The following HTR1E variants were observed in gnomAD, a reference collection of about 807,000 sequenced individuals.
HTR1E encodes the protein 5-HT-1E.
Under a neutral mutation model 3.4 loss-of-function variants are expected in HTR1E, and 3 were observed. That is an observed-to-expected ratio of 0.89 (90% CI 0.41 to 2.31). The LOEUF is 2.31. Ranked by LOEUF, HTR1E falls within the 30% of genes most tolerant of loss-of-function variation. The pLI is 0.05. For missense variants in HTR1E, 392 were observed against 467.0 expected, an observed-to-expected ratio of 0.84 and a Z score of 1.48; for synonymous variants, 170 against 182.8, an observed-to-expected ratio of 0.93 and a Z score of 0.56.
At chr6:86,995,292 T>TAATAAATA (rs71014980) in intron 1 of HTR1E, among the ~76,000 whole-genome samples, 13,738 of 144,014 alleles carry the variant, frequency 0.095, 823 homozygotes, top group East Asian at 0.24. Flanking sequence ...CTCTATAATA[T>TAATAAATA]AATAAATAAA....
At position 87,007,022 on chromosome 6, in the gene HTR1E, G is replaced by A. The variant is rs572616278; in HGVS notation, c.-185-8128G>A. ...CTTGATAGGTGCAGCAAATCACCAT[G>A]GCACACGTTTACCTATGTAACAAAC... On this transcript the variant is annotated intron_variant, in intron 1 of 1. Transcript: ENST00000305344. Among the ~76,000 whole-genome samples, 3 of 152,224 alleles carry A rather than the reference G, an allele frequency of 2.0e-5. No homozygotes were observed. The South Asian group carries it at 6.2e-4, about 32-fold the overall frequency.
intron 1 of HTR1E, among the ~76,000 whole-genome samples, chr6:87,003,936 A>G (rs1768065464): frequency 6.6e-6 from 1 of 151,938 alleles, no homozygotes; most frequent in African/African-American, 2.4e-5. Context: ...ATTACAACTG[A>G]TGTCAGAGAA....
At chr6:86,950,429 G>A (rs1204138602) in intron 1 of HTR1E, among the ~76,000 whole-genome samples, 1 of 152,138 alleles carries the variant, frequency 6.6e-6, no homozygotes, top group Non-Finnish European at 1.5e-5. Context: ...TAGGGGAATG[G>A]GTGGGAGCCT....
rs181082695 is a variant in HTR1E, at chr6:86,977,430, A to G, written c.-185-37720A>G. 4.6e-3 allele frequency among the ~76,000 whole-genome samples: 696 copies of G among 152,292 alleles called. 4 individuals are homozygous for G. Among genetic ancestry groups the G allele is most frequent in the Non-Finnish European group, 6.9e-3 (471 of 68,014 alleles). Reference sequence around the variant, plus strand: ...AACACATTTTCTTTACCCAATCCACAATTGATGGGCACCTAAGGATGATTC... The same window carrying G: ...AACACATTTTCTTTACCCAATCCACGATTGATGGGCACCTAAGGATGATTC... On this transcript the variant is annotated intron_variant, in intron 1 of 1. Transcript: ENST00000305344.
intron 1 of HTR1E, chr6:86,971,030 A>G: frequency 2.0e-6 from 1 of 504,328 alleles, no homozygotes; most frequent in Non-Finnish European, 3.9e-6. Context: ...CATGAGATCT[A>G]TACTGTTGGA....
At position 86,971,278 on chromosome 6, in the gene HTR1E, A is replaced by G. The variant is rs987387808; in HGVS notation, c.-186+33455A>G. Reference sequence around the variant, plus strand: ...TTGAAAAAAGTAAAATGATAATAATATAACAGCACATATCAAATACTTATT... The same window carrying G: ...TTGAAAAAAGTAAAATGATAATAATGTAACAGCACATATCAAATACTTATT... On this transcript the variant is annotated intron_variant, in intron 1 of 1. Transcript: ENST00000305344. The G allele has an allele frequency of 1.6e-5, 5 of 303,334 alleles. No homozygotes were observed. In the East Asian group the frequency reaches 4.4e-4, roughly 26 times the overall value. 18.8% of individuals were successfully genotyped at this position (303,334 alleles called of 1,614,324 possible).
At chr6:87,012,767 T>C (rs1048839285) in intron 1 of HTR1E, among the ~76,000 whole-genome samples, 1 of 152,208 alleles carries the variant, frequency 6.6e-6, no homozygotes, top group Non-Finnish European at 1.5e-5. Context: ...ACACATTTGA[T>C]CTTCACACTA....
intron 1 of HTR1E, among the ~76,000 whole-genome samples, chr6:86,976,014 T>A (rs1767634298): frequency 6.6e-6 from 1 of 151,804 alleles, no homozygotes; most frequent in South Asian, 2.1e-4. Flanking sequence ...CCTCTGTGGA[T>A]CAAAATCGGC....
intron 1 of HTR1E, among the ~76,000 whole-genome samples, chr6:86,954,454 C>G (rs1405326691): frequency 6.6e-6 from 1 of 152,158 alleles, no homozygotes; most frequent in East Asian, 1.9e-4. Context: ...CTCTTAGCAC[C>G]AATTTCAATT....
At chr6:87,004,753 CA>C (rs994923048) in intron 1 of HTR1E, among the ~76,000 whole-genome samples, 1 of 151,932 alleles carries the variant, frequency 6.6e-6, no homozygotes, top group Non-Finnish European at 1.5e-5. Context: ...AGCAATCAGA[CA>C]AAAGAAAGAA....
In HTR1E at chr6:87,015,245, A is replaced by G; in HGVS notation, c.-90A>G. 8.5e-7 allele frequency: 1 copy of G among 1,179,812 alleles called. No homozygotes were observed. The highest frequency in any genetic ancestry group is 1.2e-6 in the Non-Finnish European group (1 of 868,420). The allele number at this position is 1,179,812 out of a possible 1,614,324, so 73.1% of individuals were successfully genotyped here. ...TAGCTGAACAAATTATAGCCTCCTT[A>G]CAAGTGAGAAACCTTCGAGGCTACA... On this transcript the variant is annotated 5_prime_UTR_variant, in exon 2 of 2. Coordinates refer to ENST00000305344, the MANE Select transcript of HTR1E (RefSeq NM_000865.3).
At chr6:86,951,532 G>A (rs1222897423) in intron 1 of HTR1E, among the ~76,000 whole-genome samples, 2 of 151,998 alleles carry the variant, frequency 1.3e-5, no homozygotes, top group African/African-American at 4.8e-5. Flanking sequence ...TGACTCTATT[G>A]ATTTATAAAC....
intron 1 of HTR1E, among the ~76,000 whole-genome samples, chr6:86,965,653 T>TAC (rs536704937): frequency 6.6e-6 from 1 of 151,924 alleles, no homozygotes; most frequent in African/African-American, 2.4e-5. Context: ...GGGGTCTACA[T>TAC]ACACACACAC....
intron 1 of HTR1E, among the ~76,000 whole-genome samples, chr6:86,983,609 G>A (rs551872418): frequency 1.3e-5 from 2 of 152,104 alleles, no homozygotes; most frequent in African/African-American, 4.8e-5. Context: ...CCACAATAGG[G>A]TGACTATAGT....
chr6:87,009,876 G>A lies in HTR1E; in HGVS notation c.-185-5274G>A, dbSNP rs1768179908. Among the ~76,000 whole-genome samples, 9 of 120,580 alleles carry A rather than the reference G, an allele frequency of 7.5e-5. No individual in the cohort carries two copies. The South Asian group carries it at 2.4e-3, about 33-fold the overall frequency. The allele number at this position is 120,580 out of a possible 152,430, so 79.1% of individuals were successfully genotyped here. A position where few individuals can be genotyped will look rare whatever the true frequency, so the allele number is the denominator to read the frequency against. ...CCTCCCGGACGGGGCGGCTGGCCGG[G>A]CGGGGGGCCGACCTCCCCACCTCCC... is the stretch of plus-strand genomic sequence containing the variant. On this transcript the variant is annotated intron_variant, in intron 1 of 1. Coordinates refer to ENST00000305344, the MANE Select transcript of HTR1E (RefSeq NM_000865.3).
intron 1 of HTR1E, among the ~76,000 whole-genome samples, chr6:87,013,897 C>G (rs1768276290): frequency 6.6e-6 from 1 of 152,120 alleles, no homozygotes; most frequent in Admixed American, 6.6e-5. Flanking sequence ...AAAAAAAGCT[C>G]ATCATCACTG....
At chr6:86,952,521 A>C (rs1046445286) in intron 1 of HTR1E, among the ~76,000 whole-genome samples, 248 of 149,842 alleles carry the variant, frequency 1.7e-3, no homozygotes, top group African/African-American at 5.3e-3. Flanking sequence ...ACACACACAC[A>C]CCCCTACCAT....
intron 1 of HTR1E, among the ~76,000 whole-genome samples, chr6:86,955,678 AATAACATTTTAC>A (rs1476384269): frequency 2.0e-5 from 3 of 152,188 alleles, no homozygotes; most frequent in African/African-American, 7.2e-5. Context: ...TCAAATGTAA[AATAACATTTTAC>A]ATAACAGAAT....
chr6:86,991,736 G>T (rs781370150), intron 1 of HTR1E, among the ~76,000 whole-genome samples: 2 of 152,104 alleles, frequency 1.3e-5, no homozygotes, highest in African/African-American at 2.4e-5. Flanking sequence ...AAAGAGTTAA[G>T]GAAGGTAAAA....
Sources: gnomAD v4.1 joint callset for allele counts (sites outside exome capture counted in the v4.1 genomes callset) on GRCh38, gnomAD v4.1.1 for gene constraint, MANE v1.5 for transcripts, NCBI Gene and HGNC (gene_info 2026-07-23, HGNC 2026-07-21) for gene names.